Variants in FANCM observed in about 807,000 individuals in gnomAD.
FANCM encodes the protein FA complementation group M, also known as Fanconi anemia group M protein.
FANCM carries 140 observed loss-of-function variants against 199.5 expected under a neutral mutation model. The observed-to-expected ratio is 0.70, with a 90% CI of 0.61 to 0.81. The LOEUF (loss-of-function observed/expected upper bound fraction) is 0.81. Among genes scored for constraint, FANCM ranks in the 30% least tolerant of loss-of-function variants. FANCM has a pLI of 0.00. For missense variants in FANCM, 2,410 were observed against 2,421.4 expected (o/e 1.00, Z 0.10); for synonymous variants, 840 against 836.8 (o/e 1.00, Z -0.07).
At chr14:45,141,428 T>C (rs1746867155) in intron 3 of FANCM, among the ~76,000 whole-genome samples, 1 of 151,652 alleles carries the variant, frequency 6.6e-6, no homozygotes, top group Admixed American at 6.6e-5. Flanking sequence ...CAACATTTCC[T>C]ACAACCTGCC....
At chr14:45,161,525 T>A (rs1341555322) in intron 9 of FANCM, among the ~76,000 whole-genome samples, 1 of 152,160 alleles carries the variant, frequency 6.6e-6, no homozygotes, top group Non-Finnish European at 1.5e-5. Flanking sequence ...ATGACTGTAA[T>A]CACAGCACTT....
chr14:45,167,958 CGGCCCT>C (rs1888096090), intron 11 of FANCM, among the ~76,000 whole-genome samples: 1 of 152,082 alleles, frequency 6.6e-6, no homozygotes, highest in Non-Finnish European at 1.5e-5. Context: ...CATTGTTGAA[CGGCCCT>C]GTATAGTAGA....
intron 3 of FANCM, among the ~76,000 whole-genome samples, chr14:45,141,482 C>CCCTCCCCTTTCT (rs1885943939): frequency 1.6e-5 from 2 of 127,516 alleles, no homozygotes; most frequent in African/African-American, 6.5e-5. Flanking sequence ...CCCTCCCCTC[C>CCCTCCCCTTTCT]CCTCCCCTTT....
intron 14 of FANCM, among the ~76,000 whole-genome samples, chr14:45,178,703 G>A (rs944306314): frequency 1.3e-5 from 2 of 152,126 alleles, no homozygotes; most frequent in Admixed American, 6.6e-5. Flanking sequence ...CTGCAAAAAG[G>A]AAATCACTCA....
At chr14:45,149,203 A>T (rs1473542181) in intron 4 of FANCM, among the ~76,000 whole-genome samples, 1 of 152,144 alleles carries the variant, frequency 6.6e-6, no homozygotes, top group African/African-American at 2.4e-5. Flanking sequence ...AATACAAAAG[A>T]TGGGCCATTT....
intron 8 of FANCM, among the ~76,000 whole-genome samples, chr14:45,155,863 C>A (rs200801998): frequency 1.4e-5 from 2 of 147,208 alleles, no homozygotes; most frequent in East Asian, 3.9e-4. Context: ...TCTAACATTT[C>A]TTATGGAGAA....
intron 9 of FANCM, among the ~76,000 whole-genome samples, chr14:45,164,053 C>T (rs1887786604): frequency 6.6e-6 from 1 of 152,194 alleles, no homozygotes; most frequent in African/African-American, 2.4e-5. Context: ...TCAAGAGATC[C>T]TCCTGCCTCG....
chr14:45,181,237 C>G (rs1889046288), intron 14 of FANCM, among the ~76,000 whole-genome samples, 193 bp from the exon 15 acceptor site: 1 of 152,154 alleles, frequency 6.6e-6, no homozygotes, highest in East Asian at 1.9e-4. Context: ...ATTTTCTTCA[C>G]TGGCATTTTA....
chr14:45,198,435 G>A (rs903689449), intron 21 of FANCM: 10 of 425,198 alleles, frequency 2.4e-5, no homozygotes, highest in African/African-American at 9.9e-5. Context: ...ACCTTTCTAC[G>A]TTGATTCCAG....
chr14:45,143,816 C>T (rs769984799), intron 3 of FANCM, among the ~76,000 whole-genome samples: 60 of 151,280 alleles, frequency 4.0e-4, no homozygotes, highest in Non-Finnish European at 5.9e-4. Context: ...GCCTCAGCCT[C>T]CTAAGCAGCT....
rs1307778741 is a variant in FANCM at position 45,176,327 on chromosome 14, A to G, written c.3573A>G (p.Gln1191=). The G allele has an allele frequency of 6.8e-6, 11 of 1,613,934 alleles. No individual in the cohort carries two copies. The highest frequency in any genetic ancestry group is 8.5e-6 in the Non-Finnish European group (10 of 1,179,972). The change falls in exon 14 of 23, where the codon CAA becomes CAG. Residue 1191 remains glutamine (Q), a synonymous_variant. Coordinates refer to ENST00000267430, the MANE Select transcript of FANCM (RefSeq NM_020937.4). Reference sequence around the variant, plus strand: ...TGTTGGACAATAATTCTGAACTCCAAGATCAAATCACCCGTGATGCTAATA... The same window carrying G: ...TGTTGGACAATAATTCTGAACTCCAGGATCAAATCACCCGTGATGCTAATA... ...ELLLDNNSEL[Q]DQITRDANSF...
At chr14:45,153,752 G>A (rs550838997) in intron 5 of FANCM, among the ~76,000 whole-genome samples, 168 bp from the exon 6 acceptor site, 108 of 152,182 alleles carry the variant, frequency 7.1e-4, no homozygotes, top group African/African-American at 2.6e-3. Flanking sequence ...CATCCTATAA[G>A]ATGACATTTA....
chr14:45,189,904 G>A (rs1228942840), intron 20 of FANCM, among the ~76,000 whole-genome samples: 1 of 150,878 alleles, frequency 6.6e-6, no homozygotes, highest in Non-Finnish European at 1.5e-5. Context: ...GGAGGCAGAG[G>A]TTGCAGTCAG....
chr14:45,199,749 G>A lies in FANCM; in HGVS notation c.6009-121G>A, dbSNP rs1164736653. ...ACTAATGTTCAAGACATATCAGCTG[G>A]GCGGATAATGCTTGAGATGATTTCC... On this transcript the variant is annotated intron_variant, in intron 22 of 22. Coordinates refer to ENST00000267430, the MANE Select transcript of FANCM (RefSeq NM_020937.4). 11 of 827,390 alleles carry A rather than the reference G, an allele frequency of 1.3e-5. No individual in the cohort carries two copies. The East Asian group carries it at 2.8e-4, about 21-fold the overall frequency. 51.3% of individuals were successfully genotyped at this position (827,390 alleles called of 1,614,324 possible). A position where few individuals can be genotyped will look rare whatever the true frequency, so the allele number is the denominator to read the frequency against.
At chr14:45,174,008 G>A (rs1328171744) in intron 13 of FANCM, among the ~76,000 whole-genome samples, 1 of 152,170 alleles carries the variant, frequency 6.6e-6, no homozygotes, top group Non-Finnish European at 1.5e-5. Flanking sequence ...TTAGCAAACA[G>A]AGAAAATATT....
At chr14:45,179,563 T>C (rs1234820244) in intron 14 of FANCM, among the ~76,000 whole-genome samples, 2 of 9,778 alleles carry the variant, frequency 2.0e-4, no homozygotes, top group Non-Finnish European at 3.9e-4. Flanking sequence ...CTTTCTTTCT[T>C]TTTTTTTTTT....
intron 11 of FANCM, among the ~76,000 whole-genome samples, chr14:45,168,483 C>T (rs1017890396): frequency 6.6e-6 from 1 of 151,296 alleles, no homozygotes; most frequent in Admixed American, 6.6e-5. Flanking sequence ...TAAAATGTTA[C>T]TGAGGTCGAT....
intron 16 of FANCM, 85 bp from the exon 17 acceptor site, chr14:45,183,689 A>G (rs1027755675): frequency 3.5e-6 from 3 of 847,282 alleles, no homozygotes; most frequent in Non-Finnish European, 5.8e-6. Context: ...TATTTATAAC[A>G]TGGCTCTGAG....
At chr14:45,150,625 T>C (rs1020949888) in intron 4 of FANCM, among the ~76,000 whole-genome samples, 2 of 152,214 alleles carry the variant, frequency 1.3e-5, no homozygotes, top group African/African-American at 2.4e-5. Flanking sequence ...CCTCACATGG[T>C]AGACATACCT....
Sources: gnomAD v4.1 joint callset for allele counts (sites outside exome capture counted in the v4.1 genomes callset) on GRCh38, gnomAD v4.1.1 for gene constraint, MANE v1.5 for transcripts, NCBI Gene and HGNC (gene_info 2026-07-23, HGNC 2026-07-21) for gene names.